Variants in SFMBT2 observed in about 807,000 individuals in gnomAD.
The protein encoded by SFMBT2 is Scm like with four mbt domains 2.
In SFMBT2, 38 loss-of-function variants were observed where a neutral mutation model predicts 110.1. The ratio of observed to expected loss-of-function variants is 0.35; its 90% CI spans 0.27 to 0.45. SFMBT2 has a LOEUF of 0.45. Among genes scored for constraint, SFMBT2 ranks in the 20% least tolerant of loss-of-function variants. SFMBT2 has a pLI of 1.00. For synonymous variants in SFMBT2, 425 were observed against 425.4 expected (o/e 1.00, Z 0.01); for missense variants, 1,011 against 1,094.9 (o/e 0.92, Z 1.08).
chr10:7,313,010 C>T (rs1364366220), intron 4 of SFMBT2, among the ~76,000 whole-genome samples: 1 of 152,122 alleles, frequency 6.6e-6, no homozygotes, highest in Non-Finnish European at 1.5e-5. Context: ...AAATAAAACA[C>T]TGAGTTCTGC....
At chr10:7,194,181 G>A (rs1319220178) in intron 15 of SFMBT2, among the ~76,000 whole-genome samples, 2 of 152,156 alleles carry the variant, frequency 1.3e-5, no homozygotes, top group African/African-American at 4.8e-5. Flanking sequence ...CTGGACCTCA[G>A]TGGACCATTG....
intron 4 of SFMBT2, among the ~76,000 whole-genome samples, chr10:7,333,559 A>G (rs1843625532): frequency 2.1e-5 from 3 of 145,310 alleles, no homozygotes; most frequent in South Asian, 4.4e-4. Flanking sequence ...TGCCTAGCTA[A>G]TTTTTTTTTT....
chr10:7,335,011 T>C (rs995582504), intron 4 of SFMBT2, among the ~76,000 whole-genome samples: 2 of 152,264 alleles, frequency 1.3e-5, no homozygotes, highest in African/African-American at 2.4e-5. Flanking sequence ...TGCTTTAATG[T>C]TCAAAAGAAG....
intron 1 of SFMBT2, among the ~76,000 whole-genome samples, chr10:7,390,487 G>C (rs1845733857): frequency 6.6e-6 from 1 of 152,148 alleles, no homozygotes; most frequent in African/African-American, 2.4e-5. Flanking sequence ...AATGGAAAAT[G>C]TCAAAGGAGA....
intron 2 of SFMBT2, among the ~76,000 whole-genome samples, chr10:7,372,660 G>A (rs1012014449): frequency 6.6e-6 from 1 of 152,182 alleles, no homozygotes; most frequent in East Asian, 1.9e-4. Flanking sequence ...ACACCTCAGG[G>A]TGGTACCTGA....
At chr10:7,340,805 T>C (rs1192148160) in intron 4 of SFMBT2, among the ~76,000 whole-genome samples, 18 of 137,544 alleles carry the variant, frequency 1.3e-4, no homozygotes, top group Non-Finnish European at 2.3e-4. Context: ...CCAGCAGTCA[T>C]TGACTTAAAA....
At chr10:7,395,607 A>G (rs1845902394) in intron 1 of SFMBT2, among the ~76,000 whole-genome samples, 1 of 151,432 alleles carries the variant, frequency 6.6e-6, no homozygotes, top group Admixed American at 6.6e-5. Context: ...TTTACCTTCT[A>G]TCACTTTATT....
chr10:7,397,353 G>A (rs528627731), intron 1 of SFMBT2, among the ~76,000 whole-genome samples: 5 of 151,576 alleles, frequency 3.3e-5, no homozygotes, highest in Admixed American at 6.6e-5. Flanking sequence ...AAGGGCTTGC[G>A]GTTGTTTGTT....
At chr10:7,370,790 G>A (rs1273063771) in intron 2 of SFMBT2, 1 of 972,880 alleles carries the variant, frequency 1.0e-6, no homozygotes, top group African/African-American at 1.8e-5. Context: ...TGTATACAGA[G>A]AACAGCACTA....
intron 1 of SFMBT2, among the ~76,000 whole-genome samples, chr10:7,385,798 G>T (rs1433836648): frequency 6.6e-6 from 1 of 152,060 alleles, no homozygotes; most frequent in Non-Finnish European, 1.5e-5. Context: ...AGGAGATCAA[G>T]ACCATCCTGG....
intron 1 of SFMBT2, among the ~76,000 whole-genome samples, chr10:7,385,419 G>A (rs71487522): frequency 0.02 from 3,099 of 152,256 alleles, 41 homozygotes; most frequent in Middle Eastern, 0.031. Flanking sequence ...GGAAAATACC[G>A]GGAATGTGGA....
chr10:7,331,541 C>T lies in SFMBT2; in HGVS notation c.436+36108G>A, dbSNP rs978292897. Among the ~76,000 whole-genome samples the T allele has an allele frequency of 2.0e-5, 3 of 152,266 alleles. No homozygotes were observed. The East Asian group carries it at 5.8e-4, about 29-fold the overall frequency. On this transcript the variant is annotated intron_variant, in intron 4 of 20. Transcript: ENST00000397167. ...AGAGACTAAAAGGCATCCCCACATG[C>T]AGAACTTTTCAGAAGAGCACCTGTC...
chr10:7,180,029 C>T (rs993688864), intron 16 of SFMBT2, among the ~76,000 whole-genome samples: 38 of 152,178 alleles, frequency 2.5e-4, no homozygotes, highest in African/African-American at 8.7e-4. Context: ...GGGAAGCTGG[C>T]GGATGGCGTG....
At chr10:7,228,079 C>T (rs1839950563) in intron 9 of SFMBT2, 142 bp from the exon 10 acceptor site, 1 of 604,512 alleles carries the variant, frequency 1.7e-6, no homozygotes, top group Admixed American at 4.0e-5. Flanking sequence ...TTCATAAGCT[C>T]AGATGAAATA....
At chr10:7,266,770 G>T (rs748912931) in intron 7 of SFMBT2, among the ~76,000 whole-genome samples, 1 of 152,204 alleles carries the variant, frequency 6.6e-6, no homozygotes, top group Non-Finnish European at 1.5e-5. Flanking sequence ...CCTGGACTTG[G>T]GCAGTGGCAA....
intron 1 of SFMBT2, among the ~76,000 whole-genome samples, chr10:7,383,420 C>G (rs1845482963): frequency 6.6e-6 from 1 of 152,076 alleles, no homozygotes; most frequent in South Asian, 2.1e-4. Flanking sequence ...GAAACTCATG[C>G]CAGGAACAAG....
chr10:7,191,939 G>C (rs1426441605), intron 15 of SFMBT2, among the ~76,000 whole-genome samples: 1 of 152,064 alleles, frequency 6.6e-6, no homozygotes, highest in Non-Finnish European at 1.5e-5. Flanking sequence ...GTTATCATTT[G>C]CTATTGCTTT....
chr10:7,366,534 G>A (rs1844908095), intron 4 of SFMBT2, among the ~76,000 whole-genome samples: 1 of 151,944 alleles, frequency 6.6e-6, no homozygotes, highest in African/African-American at 2.4e-5. Flanking sequence ...ACCTCTCCAA[G>A]TTTATACGTC....
At chr10:7,322,373 T>G (rs1038679283) in intron 4 of SFMBT2, among the ~76,000 whole-genome samples, 2 of 152,198 alleles carry the variant, frequency 1.3e-5, no homozygotes, top group African/African-American at 4.8e-5. Flanking sequence ...TCTTGGATAT[T>G]TCTTCATAAC....
Sources: gnomAD v4.1 joint callset for allele counts (sites outside exome capture counted in the v4.1 genomes callset) on GRCh38, gnomAD v4.1.1 for gene constraint, MANE v1.5 for transcripts, NCBI Gene and HGNC (gene_info 2026-07-23, HGNC 2026-07-21) for gene names.